Variants in PPP1R13L observed in about 807,000 individuals in gnomAD.
PPP1R13L encodes the protein relA-associated inhibitor.
PPP1R13L carries 50 observed loss-of-function variants against 80.9 expected under a neutral mutation model. That is an observed-to-expected ratio of 0.62 (90% CI 0.49 to 0.78). The LOEUF (loss-of-function observed/expected upper bound fraction) is 0.78, where lower values mean the gene tolerates loss of function less well. PPP1R13L is among the 30% of genes least tolerant of loss of function. The probability of loss-of-function intolerance (pLI) is 0.00; values close to 1 mark genes in which losing one functional copy is unlikely to be tolerated. For synonymous variants in PPP1R13L, 602 were observed against 534.3 expected, an observed-to-expected ratio of 1.13 and a Z score of -1.75; for missense variants, 1,200 against 1,205.9, an observed-to-expected ratio of 1.00 and a Z score of 0.07.
chr19:45,396,102 A>T lies in PPP1R13L; in HGVS notation c.903+66T>A. The T allele has an allele frequency of 6.6e-7, 1 of 1,508,862 alleles. No individual in the cohort carries two copies. The allele number at this position is 1,508,862 out of a possible 1,614,324, so 93.5% of individuals were successfully genotyped here. ...AGCCCCGAGGGGGAGACTGGCCTTGACCCCGCTCCCCCACCCCACTCCTCG... is the reference window on the plus strand; with the variant it reads ...AGCCCCGAGGGGGAGACTGGCCTTGTCCCCGCTCCCCCACCCCACTCCTCG... On this transcript the variant is annotated intron_variant, in intron 6 of 12. Transcript: ENST00000360957. This position sits in a 1 kb window ranked among gnomAD's most constrained non-coding sequence, Gnocchi z 5.3.
rs748244768 is a variant in PPP1R13L, at chr19:45,391,913, G to A, written c.1782C>T (p.Ser594=). The A allele has an allele frequency of 6.0e-5, 90 of 1,497,516 alleles. No homozygotes were observed. The highest frequency in any genetic ancestry group is 7.3e-5 in the Non-Finnish European group (82 of 1,127,138). The allele number at this position is 1,497,516 out of a possible 1,614,324, so 92.8% of individuals were successfully genotyped here. ...PPAPIPPPAP[S]QSSPPEQPQS... ...GCGGCTGCTCTGGTGGGCTGCTCTG[G>A]GACGGGGCCGGGGGTGGAATGGGAG... is the stretch of plus-strand genomic sequence containing the variant. Residue 594 remains serine (S), a synonymous_variant, in exon 8 of 13, where the codon TCC becomes TCT. Coordinates refer to ENST00000360957, the MANE Select transcript of PPP1R13L (RefSeq NM_006663.4).
intron 3 of PPP1R13L, 54 bp from the exon 4 acceptor site, chr19:45,397,112 G>A: frequency 3.2e-6 from 4 of 1,244,600 alleles, no homozygotes; most frequent in East Asian, 3.2e-5. Flanking sequence ...TTAGTGGAAG[G>A]GTTGGTGTGT....
intron 12 of PPP1R13L, among the ~76,000 whole-genome samples, chr19:45,382,206 C>G (rs913103350): frequency 1.3e-5 from 2 of 151,760 alleles, no homozygotes; most frequent in African/African-American, 4.8e-5. Flanking sequence ...TGCACTCCAG[C>G]CTGGGCGACA....
At chr19:45,400,466 TG>T (rs1973209039) in intron 1 of PPP1R13L, among the ~76,000 whole-genome samples, 1 of 151,908 alleles carries the variant, frequency 6.6e-6, no homozygotes, top group African/African-American at 2.4e-5. Flanking sequence ...CGCCTCTGTC[TG>T]GGAAGTCGAA....
chr19:45,386,631 CT>C (rs34881055), intron 8 of PPP1R13L, among the ~76,000 whole-genome samples: 2,212 of 133,566 alleles, frequency 0.017, 13 homozygotes, highest in Middle Eastern at 0.031. Flanking sequence ...TTCTTTTTCT[CT>C]TTTTTTTTTT....
intron 12 of PPP1R13L, among the ~76,000 whole-genome samples, chr19:45,381,883 T>G (rs1972768902): frequency 6.6e-6 from 1 of 150,860 alleles, no homozygotes; most frequent in South Asian, 2.1e-4. Flanking sequence ...GAGGTTGCAG[T>G]GAGCCCACAT....
intron 12 of PPP1R13L, among the ~76,000 whole-genome samples, chr19:45,381,381 A>G (rs377736276): frequency 6.6e-6 from 1 of 151,748 alleles, no homozygotes; most frequent in South Asian, 2.1e-4. Context: ...CTTCTTGTAC[A>G]TTGCTGAATC....
rs1434307854 is a variant in PPP1R13L at position 45,379,921 on chromosome 19, C to T, written c.*269G>A. The T allele has an allele frequency of 1.4e-5, 5 of 357,912 alleles. No homozygotes were observed. The highest frequency in any genetic ancestry group is 5.2e-5 in the East Asian group (1 of 19,216). The allele number at this position is 357,912 out of a possible 1,614,324, so 22.2% of individuals were successfully genotyped here. A position where few individuals can be genotyped will look rare whatever the true frequency, so the allele number is the denominator to read the frequency against. On this transcript the variant is annotated 3_prime_UTR_variant, in exon 13 of 13. Transcript: ENST00000360957. ...TGGTAGGCATGGGAGGCACTTTGGA[C>T]GGGATCTGATTTGGCAAAAGGAAGT...
rs938103728 is a variant in PPP1R13L, at chr19:45,382,786, C to T, written c.2249-60G>A. 31 of 1,543,706 alleles carry T rather than the reference C, an allele frequency of 2.0e-5. No homozygotes were observed. In the African/African-American group the frequency reaches 4.0e-4, roughly 20 times the overall value. On this transcript the variant is annotated intron_variant, in intron 11 of 12. Coordinates refer to ENST00000360957, the MANE Select transcript of PPP1R13L (RefSeq NM_006663.4). ...GGCCCAGGGGGTCCAGGAACAGGGGCCACGTGGGGTCCAGGACAGACCCTG... is the reference window on the plus strand; with the variant it reads ...GGCCCAGGGGGTCCAGGAACAGGGGTCACGTGGGGTCCAGGACAGACCCTG...
At chr19:45,406,170 G>A, upstream of PPP1R13L, 1 of 498,406 alleles carries the variant, frequency 2.0e-6, no homozygotes, top group Non-Finnish European at 2.6e-6. This position sits in a 1 kb window ranked among gnomAD's most constrained non-coding sequence, Gnocchi z 4.2. Context: ...CCTCCGGACG[G>A]ATTGCCCCTA....
chr19:45,400,474 CGAA>C (rs1356193412), intron 1 of PPP1R13L, among the ~76,000 whole-genome samples: 3 of 151,856 alleles, frequency 2.0e-5, no homozygotes, highest in Non-Finnish European at 2.9e-5. Flanking sequence ...TCTGGGAAGT[CGAA>C]GGAACAGAAC....
At position 45,379,992 on chromosome 19, in the gene PPP1R13L, G is replaced by C. The variant is rs1480506015; in HGVS notation, c.*198C>G. ...TTCCAGCCCTTCCCAGACCTCCCAA[G>C]GCTAAGGCAGATTACTAAATTTAAG... On this transcript the variant is annotated 3_prime_UTR_variant, in exon 13 of 13. Coordinates refer to ENST00000360957, the MANE Select transcript of PPP1R13L (RefSeq NM_006663.4). The C allele has an allele frequency of 1.7e-6, 1 of 601,544 alleles. No homozygotes were observed. Among genetic ancestry groups the C allele is most frequent in the Non-Finnish European group, 2.9e-6 (1 of 346,588 alleles). 37.3% of individuals were successfully genotyped at this position (601,544 alleles called of 1,614,324 possible).
chr19:45,385,940 CT>C lies in PPP1R13L; in HGVS notation c.1964del (p.Gln655ArgfsTer103). 6.2e-7 allele frequency: 1 copy of C among 1,612,030 alleles called. No homozygotes were observed. The highest frequency in any genetic ancestry group is 8.5e-7 in the Non-Finnish European group (1 of 1,179,328). ...QAVKEMNDPS[Q>X]PNEEGITALH... ...AGGCAGTGATGCCCTCCTCGTTGGG[CT>C]GGCTCGGGTCGTTCATCTGAGTGCA... On this transcript the variant is annotated frameshift_variant, in exon 10 of 13. Transcript: ENST00000360957. LOFTEE classifies it high-confidence loss of function.
At position 45,392,357 on chromosome 19, in the gene PPP1R13L, C is replaced by T. The variant is rs913622721; in HGVS notation, c.1355-17G>A. On this transcript the variant is annotated splice_polypyrimidine_tract_variant and intron_variant, in intron 7 of 12. Transcript: ENST00000360957. Reference sequence around the variant, plus strand: ...TGGGGGGTCCTAGCCGGAACAAGAGCCCATCAGAGGACAGGTCCCCAGGAG... The same window carrying T: ...TGGGGGGTCCTAGCCGGAACAAGAGTCCATCAGAGGACAGGTCCCCAGGAG... 1 of 1,611,820 alleles carries T rather than the reference C, an allele frequency of 6.2e-7. No homozygotes were observed. Among genetic ancestry groups the T allele is most frequent in the Admixed American group, 1.7e-5 (1 of 59,980 alleles).
rs903533058 is a variant in PPP1R13L at position 45,379,808 on chromosome 19, A to T, written c.*382T>A. ...GACTGCTGGGAGAGATGGTGTCAGC[A>T]GTGACTCCCAGGAATATCCAGTGGT... On this transcript the variant is annotated 3_prime_UTR_variant, in exon 13 of 13. Coordinates refer to ENST00000360957, the MANE Select transcript of PPP1R13L (RefSeq NM_006663.4). 2 of 194,202 alleles carry T rather than the reference A, an allele frequency of 1.0e-5. No homozygotes were observed. The highest frequency in any genetic ancestry group is 5.7e-5 in the Admixed American group (1 of 17,550). The allele number at this position is 194,202 out of a possible 1,614,324, so 12.0% of individuals were successfully genotyped here.
rs750879935 is a variant in PPP1R13L at position 45,395,883 on chromosome 19, T to G, written c.907A>C (p.Asn303His). The G allele has an allele frequency of 1.9e-5, 30 of 1,585,838 alleles. No homozygotes were observed. Among genetic ancestry groups the G allele is most frequent in the Non-Finnish European group, 2.3e-5 (27 of 1,166,960 alleles). ...LDGLGGTGKD[N>H]LTSATLPRNY... Reference sequence around the variant, plus strand: ...CGCGGCAGGGTGGCGCTAGTGAGGTTGTCCTGGGGAAGAGGGAAGGGAGAA... The same window carrying G: ...CGCGGCAGGGTGGCGCTAGTGAGGTGGTCCTGGGGAAGAGGGAAGGGAGAA... The change falls in exon 7 of 13, where the codon AAC (asparagine) becomes CAC (histidine). Residue 303 changes from asparagine to histidine, a missense_variant. Asn to His is a moderately conservative substitution (Grantham distance 68). Coordinates refer to ENST00000360957, the MANE Select transcript of PPP1R13L (RefSeq NM_006663.4).
At position 45,396,248 on chromosome 19, in the gene PPP1R13L, A is replaced by C. The variant is rs764192391; in HGVS notation, c.823T>G (p.Phe275Val). 2.1e-5 allele frequency: 34 copies of C among 1,610,960 alleles called. No individual in the cohort carries two copies. Among genetic ancestry groups the C allele is most frequent in the Non-Finnish European group, 2.9e-5 (34 of 1,179,580 alleles). ...QTASYERLDV[F>V]ARPASPSLQL... ...AGGCTCGGCGAGGCAGGCCTTGCGA[A>C]GACGTCCAGGCCTGCGGGGCGGGAA... The change falls in exon 6 of 13, where the codon TTC (phenylalanine) becomes GTC (valine). Residue 275 changes from phenylalanine (F) to valine (V), a missense_variant. This residue lies in a region of PPP1R13L where 764 missense variants were observed against 714.5 expected (regional missense o/e 1.07). Transcript: ENST00000360957. This position sits in a 1 kb window ranked among gnomAD's most constrained non-coding sequence, Gnocchi z 5.3.
chr19:45,380,175 C>T lies in PPP1R13L; in HGVS notation c.*15G>A, dbSNP rs766225460. On this transcript the variant is annotated 3_prime_UTR_variant, in exon 13 of 13. Coordinates refer to ENST00000360957, the MANE Select transcript of PPP1R13L (RefSeq NM_006663.4). ...TGCTTGTTTCTGTCAGCCTCAGAAA[C>T]CTCCTTCTATCCTGCTAGACTTTAC... is the stretch of plus-strand genomic sequence containing the variant. The T allele has an allele frequency of 2.5e-6, 4 of 1,613,616 alleles. No homozygotes were observed. Among genetic ancestry groups the T allele is most frequent in the African/African-American group, 2.7e-5 (2 of 74,870 alleles).
chr19:45,391,655 T>C (rs1972974636), intron 8 of PPP1R13L, among the ~76,000 whole-genome samples: 1 of 152,170 alleles, frequency 6.6e-6, no homozygotes, highest in South Asian at 2.1e-4. Flanking sequence ...TCTAGGACCA[T>C]GAAGGCAGGC....
Sources: allele counts gnomAD v4.1 joint callset (sites outside exome capture counted in the v4.1 genomes callset), GRCh38; gene constraint gnomAD v4.1.1; regional missense constraint gnomAD v4.1.1; non-coding constraint Gnocchi (gnomAD v3.1); transcripts MANE v1.5; gene names NCBI Gene and HGNC (gene_info 2026-07-23, HGNC 2026-07-21).